The following ALDH1L1 variants were observed in gnomAD, a reference collection of about 807,000 sequenced individuals.
ALDH1L1 encodes aldehyde dehydrogenase 1 family member L1.
ALDH1L1 carries 68 observed loss-of-function variants against 101.1 expected under a neutral mutation model. The observed-to-expected ratio is 0.67, with a 90% CI of 0.55 to 0.82. The LOEUF (loss-of-function observed/expected upper bound fraction) is 0.82, where lower values mean the gene tolerates loss of function less well. Ranked by LOEUF, ALDH1L1 falls within the 40% of genes least tolerant of loss-of-function variation. ALDH1L1 has a pLI of 0.00. For missense variants in ALDH1L1, 1,087 were observed against 1,172.7 expected, an observed-to-expected ratio of 0.93 and a Z score of 1.07; for synonymous variants, 486 against 470.8, an observed-to-expected ratio of 1.03 and a Z score of -0.42.
intron 11 of ALDH1L1, 124 bp downstream of exon 11, chr3:126,136,640 C>T (rs1396145364): frequency 7.0e-7 from 1 of 1,431,428 alleles, no homozygotes; most frequent in Admixed American, 2.2e-5. Flanking sequence ...TTTCCCGTCC[C>T]TCTCAAAGGC....
chr3:126,194,753 C>T (rs758218595), intron 1 of ALDH1L1, among the ~76,000 whole-genome samples: 3 of 152,210 alleles, frequency 2.0e-5, no homozygotes, highest in East Asian at 3.9e-4. Context: ...CTAAACTAGG[C>T]AAAAATTTAC....
At chr3:126,169,177 C>T (rs777561820) in intron 1 of ALDH1L1, among the ~76,000 whole-genome samples, 2 of 152,126 alleles carry the variant, frequency 1.3e-5, no homozygotes, top group African/African-American at 2.4e-5. Flanking sequence ...TTACCTTTTC[C>T]TTAGAATGCT....
At chr3:126,189,631 G>A (rs1382554501) in intron 1 of ALDH1L1, among the ~76,000 whole-genome samples, 1 of 152,218 alleles carries the variant, frequency 6.6e-6, no homozygotes, top group Non-Finnish European at 1.5e-5. Flanking sequence ...TCTAAACTGT[G>A]AGGGACTTGA....
chr3:126,184,953 C>T (rs897121648), upstream of ALDH1L1, among the ~76,000 whole-genome samples: 2 of 152,106 alleles, frequency 1.3e-5, no homozygotes, highest in African/African-American at 4.8e-5. Context: ...ATGCTTCTAC[C>T]CTGCCTCGTG....
At chr3:126,106,360 G>GT (rs1197864589) in intron 21 of ALDH1L1, among the ~76,000 whole-genome samples, 12 of 152,212 alleles carry the variant, frequency 7.9e-5, no homozygotes, top group Non-Finnish European at 1.6e-4. Flanking sequence ...AATTTCTGGG[G>GT]TTTTTTTGGT....
chr3:126,146,739 G>C, intron 9 of ALDH1L1, 96 bp downstream of exon 9: 1 of 1,338,796 alleles, frequency 7.5e-7, no homozygotes, highest in Non-Finnish European at 1.0e-6. Flanking sequence ...TGATCCATGA[G>C]TGTAACAAAT....
chr3:126,170,753 T>G (rs969874044), intron 1 of ALDH1L1, among the ~76,000 whole-genome samples: 4 of 152,186 alleles, frequency 2.6e-5, no homozygotes, highest in Non-Finnish European at 5.9e-5. Context: ...ACCGCCACTT[T>G]AAATTCCAGC....
chr3:126,113,213 G>T (rs761413234), intron 18 of ALDH1L1, among the ~76,000 whole-genome samples: 3 of 152,206 alleles, frequency 2.0e-5, no homozygotes, highest in Non-Finnish European at 4.4e-5. Flanking sequence ...TGCACCCTGG[G>T]TGGCTCACTG....
chr3:126,135,555 G>T lies in ALDH1L1; in HGVS notation c.1452C>A (p.Asp484Glu). 1 of 1,608,780 alleles carries T rather than the reference G, an allele frequency of 6.2e-7. No individual in the cohort carries two copies. Among genetic ancestry groups the T allele is most frequent in the Non-Finnish European group, 8.5e-7 (1 of 1,178,224 alleles). ...NGRWGKISAR[D>E]RGRLMYRLAD... The stretch of plus-strand genomic sequence containing the variant: ...CCCACCTGTACATCAGCCGGCCCCG[G>T]TCCCGCGCACTGATCTTCCCCCACC... Residue 484 changes from aspartate to glutamate, a missense_variant, in exon 12 of 23, where the codon GAC (aspartate) becomes GAA (glutamate). Transcript: ENST00000393434.
At chr3:126,103,988 G>T in intron 22 of ALDH1L1, 142 bp from the exon 23 acceptor site, 1 of 890,322 alleles carries the variant, frequency 1.1e-6, no homozygotes, top group Non-Finnish European at 1.7e-6. Flanking sequence ...GGCCCAGCGA[G>T]GTCATGAATC....
At chr3:126,123,059 A>C (rs1284863598) in intron 16 of ALDH1L1, among the ~76,000 whole-genome samples, 2 of 152,234 alleles carry the variant, frequency 1.3e-5, no homozygotes, top group Non-Finnish European at 2.9e-5. Context: ...GGCACATTTT[A>C]GATTCAAAAG....
chr3:126,130,098 C>T, intron 14 of ALDH1L1, 125 bp downstream of exon 14: 1 of 843,034 alleles, frequency 1.2e-6, no homozygotes, highest in Non-Finnish European at 1.7e-6. Flanking sequence ...GCTCAAGAAG[C>T]ACATGGATGG....
intron 2 of ALDH1L1, chr3:126,160,582 C>A (rs764162816): frequency 2.6e-5 from 11 of 428,382 alleles, no homozygotes; most frequent in South Asian, 4.1e-5. Context: ...TGTGTGGGAC[C>A]TGGGACCAGG....
At position 126,153,519 on chromosome 3, in the gene ALDH1L1, C is replaced by T; in HGVS notation, c.783G>A (p.Leu261=). 1 of 1,614,156 alleles carries T rather than the reference C, an allele frequency of 6.2e-7. No individual in the cohort carries two copies. The highest frequency in any genetic ancestry group is 8.5e-7 in the Non-Finnish European group (1 of 1,180,022). Residue 261 remains leucine (L), a synonymous_variant, in exon 7 of 23, where the codon TTG becomes TTA. Coordinates refer to ENST00000393434, the MANE Select transcript of ALDH1L1 (RefSeq NM_012190.4). ...TSGLVPEGDA[L]PIPGAHRPGV... is the part of the protein sequence containing the mutation. ...CTGGCCGATGGGCTCCTGGGATGGG[C>T]AAAGCGTCTCCCTCGGGCACCAGGC...
chr3:126,121,920 G>A (rs972003782), intron 16 of ALDH1L1, among the ~76,000 whole-genome samples: 4 of 152,142 alleles, frequency 2.6e-5, no homozygotes, highest in Non-Finnish European at 5.9e-5. Context: ...TGGTGACTAT[G>A]GCTAAGATGC....
At chr3:126,128,473 G>T (rs1210991617) in intron 14 of ALDH1L1, 3 of 152,310 alleles carry the variant, frequency 2.0e-5, no homozygotes, top group Non-Finnish European at 4.4e-5. Flanking sequence ...GAAAGGGGAG[G>T]AGCTGGGATT....
chr3:126,117,557 G>A (rs1433349253), intron 17 of ALDH1L1, among the ~76,000 whole-genome samples: 1 of 151,486 alleles, frequency 6.6e-6, no homozygotes, highest in Non-Finnish European at 1.5e-5. Flanking sequence ...TTGGGAGGCT[G>A]AGGAGCATCA....
chr3:126,191,166 G>C (rs1164255080), intron 1 of ALDH1L1, among the ~76,000 whole-genome samples: 1 of 152,218 alleles, frequency 6.6e-6, no homozygotes, highest in African/African-American at 2.4e-5. Context: ...CAACAGCTTA[G>C]ATGGAGATTG....
chr3:126,125,555 G>C (rs1163833351), intron 15 of ALDH1L1, 61 bp downstream of exon 15: 2 of 1,324,844 alleles, frequency 1.5e-6, no homozygotes, highest in African/African-American at 1.5e-5. Context: ...CTCCCTTATA[G>C]AGTGAGTTCC....
Sources: allele counts gnomAD v4.1 joint callset (sites outside exome capture counted in the v4.1 genomes callset), GRCh38; gene constraint gnomAD v4.1.1; transcripts MANE v1.5; gene names NCBI Gene and HGNC (gene_info 2026-07-23, HGNC 2026-07-21).